Variants in ANXA10 observed in about 807,000 individuals in gnomAD.
ANXA10 encodes the protein annexin A10.
In ANXA10, 49 loss-of-function variants were observed where a neutral mutation model predicts 53.5. The ratio of observed to expected loss-of-function variants is 0.92; its 90% CI spans 0.73 to 1.16. ANXA10 has a LOEUF of 1.16. ANXA10 is among the 50% of genes most tolerant of loss of function. The pLI is 0.00. For synonymous variants in ANXA10, 131 were observed against 128.9 expected, an observed-to-expected ratio of 1.02 and a Z score of -0.11; for missense variants, 393 against 394.4, an observed-to-expected ratio of 1.00 and a Z score of 0.03.
At position 168,177,889 on chromosome 4, in the gene ANXA10, G is replaced by A. The variant is rs147364525; in HGVS notation, c.535-1G>A. 9.4e-5 allele frequency: 152 copies of A among 1,614,014 alleles called. No homozygotes were observed. The highest frequency in any genetic ancestry group is 1.2e-4 in the Non-Finnish European group (147 of 1,180,030). On this transcript the variant is annotated splice_acceptor_variant, in intron 7 of 11. Transcript: ENST00000359299. LOFTEE classifies it high-confidence loss of function. The stretch of plus-strand genomic sequence containing the variant: ...TACTTCTCTGCTGGCTAATGTTCCA[G>A]GTCCTATGGGAAGCCTGTCAGCAGA...
intron 1 of ANXA10, among the ~76,000 whole-genome samples, chr4:168,106,715 C>T (rs951425224): frequency 3.9e-5 from 6 of 152,144 alleles, no homozygotes; most frequent in South Asian, 4.2e-4. Context: ...TGTCTGTTAT[C>T]ACAAGGGAAA....
intron 3 of ANXA10, among the ~76,000 whole-genome samples, chr4:168,142,508 C>A (rs1051106932): frequency 1.3e-5 from 2 of 152,184 alleles, no homozygotes; most frequent in South Asian, 4.1e-4. Flanking sequence ...CACAGCCCCC[C>A]ACCAGATCGA....
At chr4:168,167,476 T>TTTTAA (rs1731901678) in intron 6 of ANXA10, among the ~76,000 whole-genome samples, 1 of 152,134 alleles carries the variant, frequency 6.6e-6, no homozygotes, top group Non-Finnish European at 1.5e-5. Flanking sequence ...ACTTGGGATA[T>TTTTAA]TTTAATTTAC....
intron 10 of ANXA10, 126 bp downstream of exon 10, chr4:168,181,867 A>T: frequency 1.4e-6 from 1 of 700,464 alleles, no homozygotes; most frequent in Admixed American, 2.7e-5. Context: ...AAGAAAATAC[A>T]CCCAAGTGAG....
intron 2 of ANXA10, among the ~76,000 whole-genome samples, chr4:168,135,959 A>T (rs943825382): frequency 6.6e-6 from 1 of 152,142 alleles, no homozygotes; most frequent in Non-Finnish European, 1.5e-5. Context: ...ATGGCTGGGG[A>T]GACCTCAGGA....
Position 168,181,309 on chromosome 4 carries a change from T to C in ANXA10, c.725-374T>C, listed in dbSNP as rs531446772. ...GGGAGGCTGAGGCAGGAGAATGGCGTGAACCCGGGAGGCGGAGCTTGCAGT... is the reference window on the plus strand; with the variant it reads ...GGGAGGCTGAGGCAGGAGAATGGCGCGAACCCGGGAGGCGGAGCTTGCAGT... On this transcript the variant is annotated intron_variant, in intron 9 of 11. Coordinates refer to ENST00000359299, the MANE Select transcript of ANXA10 (RefSeq NM_007193.5). Among the ~76,000 whole-genome samples, 65 of 147,672 alleles carry C rather than the reference T, an allele frequency of 4.4e-4. No individual in the cohort carries two copies. The South Asian group carries it at 0.013, about 30-fold the overall frequency.
chr4:168,181,080 TTAA>T (rs1394907156), intron 9 of ANXA10, among the ~76,000 whole-genome samples: 1 of 152,142 alleles, frequency 6.6e-6, no homozygotes, highest in African/African-American at 2.4e-5. Context: ...TATAATAGTG[TTAA>T]TAACCTAGGT....
chr4:168,128,008 G>A, intron 1 of ANXA10, 76 bp from the exon 2 acceptor site: 1 of 1,322,440 alleles, frequency 7.6e-7, no homozygotes, highest in South Asian at 1.2e-5. Flanking sequence ...ACAGGTATGA[G>A]CCACTGTGCC....
At chr4:168,145,937 C>A (rs1366937817) in intron 3 of ANXA10, among the ~76,000 whole-genome samples, 1 of 138,626 alleles carries the variant, frequency 7.2e-6, no homozygotes, top group South Asian at 2.4e-4. Flanking sequence ...TTTTTTTTTT[C>A]TTTGAGACAG....
chr4:168,170,251 T>C (rs989686355), intron 6 of ANXA10, among the ~76,000 whole-genome samples: 11 of 152,190 alleles, frequency 7.2e-5, no homozygotes, highest in African/African-American at 2.7e-4. Context: ...AAAGATAACA[T>C]CAACTTGAAT....
chr4:168,103,573 T>C (rs915303007), intron 1 of ANXA10, among the ~76,000 whole-genome samples: 1 of 151,966 alleles, frequency 6.6e-6, no homozygotes, highest in African/African-American at 2.4e-5. Context: ...ATAATAATAA[T>C]TCTTAAAATC....
intron 1 of ANXA10, among the ~76,000 whole-genome samples, chr4:168,119,329 G>T (rs1281925397): frequency 6.6e-6 from 1 of 152,140 alleles, no homozygotes; most frequent in Admixed American, 6.5e-5. Context: ...TTGGAAATAG[G>T]CTGTGATAGG....
At chr4:168,133,119 A>T (rs1473042171) in intron 2 of ANXA10, among the ~76,000 whole-genome samples, 1 of 152,070 alleles carries the variant, frequency 6.6e-6, no homozygotes, top group African/African-American at 2.4e-5. Context: ...TTGCATTTTT[A>T]TGCTTTGCTT....
chr4:168,132,466 C>T (rs1477915727), intron 2 of ANXA10, among the ~76,000 whole-genome samples: 4 of 151,834 alleles, frequency 2.6e-5, no homozygotes, highest in Non-Finnish European at 5.9e-5. Flanking sequence ...AGGATGATTA[C>T]CAGAGGTTGT....
In ANXA10 at chr4:168,182,318, ATTTTTTTTTTTT is replaced by A. The variant is rs542260478; in HGVS notation, c.783+596_783+607del. 1.3e-3 allele frequency among the ~76,000 whole-genome samples: 63 copies of A among 49,726 alleles called. 1 individual carries two copies. Among genetic ancestry groups the A allele is most frequent in the African/African-American group, 5.8e-3 (55 of 9,452 alleles). 32.6% of individuals were successfully genotyped at this position (49,726 alleles called of 152,430 possible). On this transcript the variant is annotated intron_variant, in intron 10 of 11. Coordinates refer to ENST00000359299, the MANE Select transcript of ANXA10 (RefSeq NM_007193.5). ...CAGTCGCACATACTTTGGAGCATTA[ATTTTTTTTTTTT>A]TTTTTTTTTTTTTTTTTTGAGATGG...
intron 2 of ANXA10, among the ~76,000 whole-genome samples, chr4:168,135,248 T>A (rs1159091644): frequency 6.6e-6 from 1 of 152,162 alleles, no homozygotes; most frequent in Non-Finnish European, 1.5e-5. Context: ...GATTGCTAAT[T>A]GGCACTTAAC....
At chr4:168,180,044 G>A (rs1732211267) in intron 9 of ANXA10, among the ~76,000 whole-genome samples, 1 of 152,096 alleles carries the variant, frequency 6.6e-6, no homozygotes, top group Non-Finnish European at 1.5e-5. Context: ...TTGAATAAAT[G>A]AATATTGTGA....
At chr4:168,145,424 C>T (rs1287414922) in intron 3 of ANXA10, among the ~76,000 whole-genome samples, 1 of 152,176 alleles carries the variant, frequency 6.6e-6, no homozygotes, top group Non-Finnish European at 1.5e-5. Flanking sequence ...CTGTTACCAT[C>T]TTTGTTTCAA....
At chr4:168,176,361 C>A (rs1197053879) in intron 6 of ANXA10, among the ~76,000 whole-genome samples, 1 of 152,128 alleles carries the variant, frequency 6.6e-6, no homozygotes, top group Non-Finnish European at 1.5e-5. Context: ...GTCAGAGAAA[C>A]CTTTCATGAT....
Sources: allele counts gnomAD v4.1 joint callset (sites outside exome capture counted in the v4.1 genomes callset), GRCh38; gene constraint gnomAD v4.1.1; transcripts MANE v1.5; gene names NCBI Gene and HGNC (gene_info 2026-07-23, HGNC 2026-07-21).